The following CTCF variants were observed in gnomAD, a reference collection of about 807,000 sequenced individuals.
CTCF encodes transcriptional repressor CTCF.
Under a neutral mutation model 72.3 loss-of-function variants are expected in CTCF, and 7 were observed. The observed-to-expected ratio is 0.10, with a 90% CI of 0.06 to 0.18. The LOEUF is 0.18. Ranked by LOEUF, CTCF falls within the 10% of genes least tolerant of loss-of-function variation. The pLI is 1.00. For missense variants in CTCF, 516 were observed against 949.1 expected (o/e 0.54, Z 6.00); for synonymous variants, 374 against 315.8 (o/e 1.18, Z -1.95).
intron 5 of CTCF, among the ~76,000 whole-genome samples, chr16:67,619,183 C>G (rs947459999): frequency 2.0e-5 from 3 of 152,190 alleles, no homozygotes; most frequent in African/African-American, 7.2e-5. Context: ...CGCCTGTAAT[C>G]CCAGCACTTT....
At chr16:67,608,239 G>T (rs1184573026) in intron 2 of CTCF, among the ~76,000 whole-genome samples, 1 of 150,146 alleles carries the variant, frequency 6.7e-6, no homozygotes, top group East Asian at 2.0e-4. Flanking sequence ...CAGGAGAATG[G>T]CGTGAACCTG....
chr16:67,575,371 C>T (rs2051481539), intron 2 of CTCF, among the ~76,000 whole-genome samples: 1 of 152,050 alleles, frequency 6.6e-6, no homozygotes, highest in African/African-American at 2.4e-5. Flanking sequence ...GACTCCAAGT[C>T]CTGGCCATGC....
intron 2 of CTCF, among the ~76,000 whole-genome samples, chr16:67,582,210 C>CAA (rs60181073): frequency 1.7e-4 from 16 of 96,072 alleles, no homozygotes; most frequent in African/African-American, 2.1e-4. Context: ...GACTCCGTCT[C>CAA]AAAAAAAAAA....
chr16:67,576,034 A>C, intron 2 of CTCF, among the ~76,000 whole-genome samples: 1 of 148,630 alleles, frequency 6.7e-6, no homozygotes, highest in African/African-American at 2.5e-5. Flanking sequence ...GGTGGTGCAC[A>C]CCTGTAGTCT....
chr16:67,637,456 C>T lies in CTCF; in HGVS notation c.2000-232C>T, dbSNP rs113528083. Among the ~76,000 whole-genome samples, 6,425 of 152,142 alleles carry T rather than the reference C, an allele frequency of 0.042. 451 individuals carry two copies. Among genetic ancestry groups the T allele is most frequent in the African/African-American group, 0.14 (5,957 of 41,478 alleles). On this transcript the variant is annotated intron_variant, in intron 11 of 11. Transcript: ENST00000264010. ...CTGAGGCAGGAGAATTGCTTTAACCCGGGGGGCAGAGGTTGCAGTGAGCTG... is the reference window on the plus strand; with the variant it reads ...CTGAGGCAGGAGAATTGCTTTAACCTGGGGGGCAGAGGTTGCAGTGAGCTG...
chr16:67,629,258 A>T, intron 9 of CTCF, 140 bp from the exon 10 acceptor site: 1 of 731,982 alleles, frequency 1.4e-6, no homozygotes, highest in Non-Finnish European at 2.2e-6. Context: ...ATTTCCCCTG[A>T]GCAGAGACAG....
chr16:67,582,040 G>A (rs1015373529), intron 2 of CTCF, among the ~76,000 whole-genome samples: 7 of 151,638 alleles, frequency 4.6e-5, no homozygotes, highest in African/African-American at 1.2e-4. Context: ...TGGCTAATAC[G>A]GTGAAACCCC....
intron 2 of CTCF, among the ~76,000 whole-genome samples, chr16:67,609,117 A>G (rs969293226): frequency 2.6e-5 from 4 of 152,174 alleles, no homozygotes; most frequent in African/African-American, 9.6e-5. Flanking sequence ...GTATAATCCC[A>G]GCACTTTGGG....
intron 10 of CTCF, among the ~76,000 whole-genome samples, chr16:67,629,961 A>G (rs2052342814): frequency 1.3e-5 from 2 of 150,296 alleles, no homozygotes; most frequent in South Asian, 4.2e-4. Context: ...ATTTTTTAGT[A>G]GAGACGGGGT....
chr16:67,580,772 A>ATTTTTTTTTTTTTTTTTTTTTTT (rs781616750), intron 2 of CTCF, among the ~76,000 whole-genome samples: 11 of 120,218 alleles, frequency 9.2e-5, no homozygotes, highest in African/African-American at 3.5e-4. Context: ...GCCTGGCCAA[A>ATTTTTTTTTTTTTTTTTTTTTTT]TTTTTTTTTT....
chr16:67,606,756 GTTTT>G (rs796220502), intron 2 of CTCF, among the ~76,000 whole-genome samples: 10 of 124,474 alleles, frequency 8.0e-5, no homozygotes, highest in Non-Finnish European at 1.5e-4. Context: ...TTTGTTTTGG[GTTTT>G]TTTTTTTTTT....
intron 2 of CTCF, among the ~76,000 whole-genome samples, chr16:67,579,572 T>A (rs2051551997): frequency 6.6e-6 from 1 of 152,152 alleles, no homozygotes; most frequent in Non-Finnish European, 1.5e-5. Flanking sequence ...TTGGCCAGGC[T>A]GGTCTCAAAC....
chr16:67,614,047 CTG>C (rs1167147641), intron 4 of CTCF, among the ~76,000 whole-genome samples: 2 of 152,086 alleles, frequency 1.3e-5, no homozygotes, highest in Non-Finnish European at 2.9e-5. Context: ...GCCTTTGCCT[CTG>C]TTACGATGCT....
intron 2 of CTCF, among the ~76,000 whole-genome samples, chr16:67,607,155 C>A (rs1463177308): frequency 6.6e-6 from 1 of 151,870 alleles, no homozygotes; most frequent in Non-Finnish European, 1.5e-5. Context: ...CGGGGTTTTG[C>A]CGTGTTGGCC....
At chr16:67,571,528 A>G (rs1456146557) in intron 2 of CTCF, among the ~76,000 whole-genome samples, 5 of 152,202 alleles carry the variant, frequency 3.3e-5, no homozygotes, top group African/African-American at 7.2e-5. Flanking sequence ...CTCAGAGACT[A>G]TTCTCCGTTA....
chr16:67,614,404 T>C (rs969333974), intron 4 of CTCF: 52 of 149,408 alleles, frequency 3.5e-4, no homozygotes, highest in African/African-American at 1.1e-3. Context: ...TTGGTGAGGA[T>C]GAGCCTTGAT....
At chr16:67,618,967 T>A (rs2052167254) in intron 5 of CTCF, among the ~76,000 whole-genome samples, 1 of 152,254 alleles carries the variant, frequency 6.6e-6, no homozygotes, top group Non-Finnish European at 1.5e-5. Context: ...TTTGTAAAAC[T>A]ATAGTAAATG....
intron 2 of CTCF, among the ~76,000 whole-genome samples, chr16:67,580,291 C>T (rs2051561533): frequency 6.6e-6 from 1 of 152,092 alleles, no homozygotes; most frequent in Admixed American, 6.6e-5. Flanking sequence ...CTCACTATAA[C>T]CTTGAACTCC....
intron 11 of CTCF, 140 bp downstream of exon 11, chr16:67,636,991 A>G: frequency 1.3e-6 from 1 of 769,118 alleles, no homozygotes. Context: ...ACTCTCAGGA[A>G]ATGGCTTTTT....
Sources: allele counts gnomAD v4.1 joint callset (sites outside exome capture counted in the v4.1 genomes callset), GRCh38; gene constraint gnomAD v4.1.1; transcripts MANE v1.5; gene names NCBI Gene and HGNC (gene_info 2026-07-23, HGNC 2026-07-21).